The following TMPRSS11D variants were observed in gnomAD, a reference collection of about 807,000 sequenced individuals.
TMPRSS11D encodes transmembrane serine protease 11D.
TMPRSS11D carries 32 observed loss-of-function variants against 44.4 expected under a neutral mutation model. The observed-to-expected ratio is 0.72, with a 90% CI of 0.54 to 0.97. The LOEUF (loss-of-function observed/expected upper bound fraction) is 0.97, where lower values mean the gene tolerates loss of function less well. Ranked by LOEUF, TMPRSS11D falls within the 50% of genes least tolerant of loss-of-function variation. The pLI is 0.00. For missense variants in TMPRSS11D, 446 were observed against 502.6 expected (o/e 0.89, Z 1.08); for synonymous variants, 179 against 177.9 (o/e 1.01, Z -0.05).
chr4:67,846,703 A>G (rs945292664), intron 3 of TMPRSS11D, among the ~76,000 whole-genome samples: 1 of 152,178 alleles, frequency 6.6e-6, no homozygotes, highest in African/African-American at 2.4e-5. Context: ...TTTTTAAAGA[A>G]ATGTGTACAA....
At chr4:67,837,609 T>C (rs935068571) in intron 5 of TMPRSS11D, among the ~76,000 whole-genome samples, 15 of 152,118 alleles carry the variant, frequency 9.9e-5, no homozygotes, top group African/African-American at 3.6e-4. Context: ...ATATATTATT[T>C]CTTTTCTTTC....
At chr4:67,873,447 T>C (rs190299687) in intron 1 of TMPRSS11D, among the ~76,000 whole-genome samples, 1 of 152,278 alleles carries the variant, frequency 6.6e-6, no homozygotes, top group Admixed American at 6.5e-5. Context: ...TCTGGGAAAC[T>C]AAGCCTGTAA....
intron 2 of TMPRSS11D, among the ~76,000 whole-genome samples, chr4:67,855,085 T>C (rs1247113533): frequency 6.6e-6 from 1 of 152,036 alleles, no homozygotes; most frequent in East Asian, 1.9e-4. Flanking sequence ...TGAAACCCTG[T>C]CTCTACTAAA....
Position 67,842,471 on chromosome 4 carries a change from A to G in TMPRSS11D, c.317+87T>C, listed in dbSNP as rs188206392. ...TAATATTACAACAACTTATCTGAAC[A>G]TGTCATTTACTATTCATTCTGTGAC... On this transcript the variant is annotated intron_variant, in intron 4 of 9. Coordinates refer to ENST00000283916, the MANE Select transcript of TMPRSS11D (RefSeq NM_004262.3). 1.1e-4 allele frequency: 123 copies of G among 1,151,984 alleles called. 1 individual carries two copies. The African/African-American group carries it at 1.7e-3, about 16-fold the overall frequency. The allele number at this position is 1,151,984 out of a possible 1,614,324, so 71.4% of individuals were successfully genotyped here.
intron 7 of TMPRSS11D, 123 bp from the exon 8 acceptor site, chr4:67,827,643 A>G (rs1220792536): frequency 1.9e-6 from 2 of 1,069,286 alleles, no homozygotes; most frequent in African/African-American, 1.6e-5. Context: ...TCTTTGCTAT[A>G]TTTTCCTGCA....
intron 8 of TMPRSS11D, among the ~76,000 whole-genome samples, 180 bp downstream of exon 8, chr4:67,827,081 A>ATTGCTTTGCT (rs533829577): frequency 2.6e-5 from 4 of 152,088 alleles, no homozygotes; most frequent in Non-Finnish European, 5.9e-5. Flanking sequence ...TTTCTGGAGC[A>ATTGCTTTGCT]TTGCTTTGCT....
In TMPRSS11D at chr4:67,852,556, A is replaced by AT. The variant is rs569647149; in HGVS notation, c.249+1511dup. On this transcript the variant is annotated intron_variant, in intron 3 of 9. Coordinates refer to ENST00000283916, the MANE Select transcript of TMPRSS11D (RefSeq NM_004262.3). ...ACTGAATCATAAGCTTATTTAATAC[A>AT]TTTTTTTCTCTAGAAGCAAGCATCA... Among the ~76,000 whole-genome samples the AT allele has an allele frequency of 1.3e-3, 194 of 152,232 alleles. 4 individuals are homozygous for AT. In the South Asian group the frequency reaches 0.028, roughly 22 times the overall value.
At chr4:67,860,719 C>CT (rs1718774407) in intron 1 of TMPRSS11D, among the ~76,000 whole-genome samples, 1 of 152,070 alleles carries the variant, frequency 6.6e-6, no homozygotes, top group African/African-American at 2.4e-5. Context: ...TTAAAAGCCT[C>CT]AATAGAGCTG....
At chr4:67,879,762 A>C (rs1183733649) in intron 1 of TMPRSS11D, among the ~76,000 whole-genome samples, 5 of 152,184 alleles carry the variant, frequency 3.3e-5, no homozygotes, top group Admixed American at 2.6e-4. Flanking sequence ...AAGGGAGGAT[A>C]GATTAAAGAT....
At chr4:67,856,670 G>A (rs1718642721) in intron 2 of TMPRSS11D, among the ~76,000 whole-genome samples, 1 of 151,892 alleles carries the variant, frequency 6.6e-6, no homozygotes, top group Non-Finnish European at 1.5e-5. Flanking sequence ...CACAGCAAAG[G>A]AAACAAGCAA....
At chr4:67,878,849 C>A (rs1289524374) in intron 1 of TMPRSS11D, among the ~76,000 whole-genome samples, 1 of 152,028 alleles carries the variant, frequency 6.6e-6, no homozygotes, top group Non-Finnish European at 1.5e-5. Flanking sequence ...TCACTTGAAC[C>A]CAGGAGGCAG....
At chr4:67,862,264 C>T (rs1046715396) in intron 1 of TMPRSS11D, among the ~76,000 whole-genome samples, 2 of 151,966 alleles carry the variant, frequency 1.3e-5, no homozygotes, top group African/African-American at 2.4e-5. Context: ...TTCTGTATTA[C>T]GATTGCATTT....
intron 1 of TMPRSS11D, among the ~76,000 whole-genome samples, chr4:67,870,813 CAA>C (rs11318143): frequency 0.055 from 7,369 of 133,858 alleles, 587 homozygotes; most frequent in African/African-American, 0.18. Context: ...GACCCTGTCT[CAA>C]AAAAAAAAAA....
At chr4:67,824,620 T>C (rs1056236292) in intron 9 of TMPRSS11D, among the ~76,000 whole-genome samples, 4 of 152,136 alleles carry the variant, frequency 2.6e-5, no homozygotes, top group South Asian at 2.1e-4. Flanking sequence ...CAACTTGCAG[T>C]TGATAAAAAT....
intron 7 of TMPRSS11D, among the ~76,000 whole-genome samples, chr4:67,831,353 T>C (rs1717940903): frequency 6.6e-6 from 1 of 152,042 alleles, no homozygotes; most frequent in Admixed American, 6.6e-5. Context: ...GACAATCAGG[T>C]CTTTAGGGAG....
Position 67,821,945 on chromosome 4 carries a change from G to C in TMPRSS11D, c.*392C>G. 6.3e-6 allele frequency: 1 copy of C among 157,518 alleles called. No individual in the cohort carries two copies. The highest frequency in any genetic ancestry group is 1.4e-5 in the Non-Finnish European group (1 of 71,676). The allele number at this position is 157,518 out of a possible 1,614,324, so 9.8% of individuals were successfully genotyped here. On this transcript the variant is annotated 3_prime_UTR_variant, in exon 10 of 10. Coordinates refer to ENST00000283916, the MANE Select transcript of TMPRSS11D (RefSeq NM_004262.3). ...TTTCCTTTGCATGTTTCCACAGTTT[G>C]CTTACTTCTCATCCTCAGTGAAACC...
chr4:67,854,318 C>A, intron 2 of TMPRSS11D, 132 bp from the exon 3 acceptor site: 1 of 514,032 alleles, frequency 1.9e-6, no homozygotes. Flanking sequence ...AAGTTCTATG[C>A]TTCAGTGTAA....
At chr4:67,823,746 G>A (rs1441385791) in intron 9 of TMPRSS11D, among the ~76,000 whole-genome samples, 1 of 152,096 alleles carries the variant, frequency 6.6e-6, no homozygotes, top group Admixed American at 6.6e-5. Context: ...GAAGCTGGTC[G>A]TCACCTGCTT....
In TMPRSS11D at chr4:67,821,424, C is replaced by A. The variant is rs890599627; in HGVS notation, c.*913G>T. ...TTACTTAGATTTAGCGTTTGACGAC[C>A]CTTTTACGCTCAAAAATATAACTGC... On this transcript the variant is annotated 3_prime_UTR_variant, in exon 10 of 10. Transcript: ENST00000283916. 6.6e-6 allele frequency: 1 copy of A among 152,074 alleles called. No homozygotes were observed. Among genetic ancestry groups the A allele is most frequent in the Non-Finnish European group, 1.5e-5 (1 of 68,024 alleles). The allele number at this position is 152,074 out of a possible 1,614,324, so 9.4% of individuals were successfully genotyped here.
Sources: gnomAD v4.1 joint callset for allele counts (sites outside exome capture counted in the v4.1 genomes callset) on GRCh38, gnomAD v4.1.1 for gene constraint, MANE v1.5 for transcripts, NCBI Gene and HGNC (gene_info 2026-07-23, HGNC 2026-07-21) for gene names.